Variants in AP1G1 observed in about 807,000 individuals in gnomAD.
AP1G1 encodes adaptor related protein complex 1 subunit gamma 1.
Under a neutral mutation model 108.3 loss-of-function variants are expected in AP1G1, and 7 were observed. The observed-to-expected ratio is 0.06, with a 90% CI of 0.04 to 0.12. AP1G1 has a LOEUF of 0.12. Among genes scored for constraint, AP1G1 ranks in the 10% least tolerant of loss-of-function variants. AP1G1 has a pLI of 1.00. For missense variants in AP1G1, 756 were observed against 1,010.7 expected, an observed-to-expected ratio of 0.75 and a Z score of 3.42; for synonymous variants, 379 against 353.5, an observed-to-expected ratio of 1.07 and a Z score of -0.81.
intron 15 of AP1G1, among the ~76,000 whole-genome samples, 177 bp from the exon 16 acceptor site, chr16:71,748,555 T>G (rs562008723): frequency 1.3e-4 from 20 of 151,952 alleles, no homozygotes; most frequent in Non-Finnish European, 1.9e-4. Context: ...ACCAGAGTAG[T>G]TGGGGGTAAA....
rs1206130353 is a variant in AP1G1, at chr16:71,748,341, A to G, written c.1535T>C (p.Val512Ala). The change falls in exon 16 of 23, where the codon GTC becomes GCC. Residue 512 changes from valine (V) to alanine (A), a missense_variant. Val to Ala is a moderately conservative substitution (Grantham distance 64). Transcript: ENST00000299980. Reference protein sequence around the residue: ...EDEVLDILESVLISNMSTSVT... With the variant: ...EDEVLDILESALISNMSTSVT... ...AGAGGTGGACATATTAGAGATTAGG[A>G]CACTTTCTAAAATATCCAACACTTC... 1 of 1,613,582 alleles carries G rather than the reference A, an allele frequency of 6.2e-7. No individual in the cohort carries two copies. The highest frequency in any genetic ancestry group is 2.2e-5 in the East Asian group (1 of 44,874).
chr16:71,777,336 G>A (rs936993279), intron 2 of AP1G1, among the ~76,000 whole-genome samples: 1 of 151,714 alleles, frequency 6.6e-6, no homozygotes, highest in African/African-American at 2.4e-5. Flanking sequence ...AGGGAGGCAA[G>A]AAGAAAACAA....
At chr16:71,803,274 T>C (rs1236080657) in intron 1 of AP1G1, among the ~76,000 whole-genome samples, 1 of 152,196 alleles carries the variant, frequency 6.6e-6, no homozygotes, top group Non-Finnish European at 1.5e-5. Flanking sequence ...AAGTCACATG[T>C]ATTTTTTCCT....
At chr16:71,794,122 T>C (rs953212758) in intron 1 of AP1G1, among the ~76,000 whole-genome samples, 1 of 152,222 alleles carries the variant, frequency 6.6e-6, no homozygotes, top group African/African-American at 2.4e-5. Context: ...TACAAAATTA[T>C]ATCTGTATTA....
At chr16:71,769,532 C>T (rs763793571) in intron 6 of AP1G1, 91 bp downstream of exon 6, 41 of 1,284,218 alleles carry the variant, frequency 3.2e-5, no homozygotes, top group Non-Finnish European at 4.2e-5. Context: ...CCATAGCTTG[C>T]TTTCAAAAAA....
rs534645564 is a variant in AP1G1 at position 71,744,906 on chromosome 16, T to A, written c.1999+238A>T. On this transcript the variant is annotated intron_variant, in intron 19 of 22. Transcript: ENST00000299980. The stretch of plus-strand genomic sequence containing the variant: ...AAGTAGTTTCTATCTTAAAACACTA[T>A]GAATAATTTATTCACCCAAAATTAG... Among the ~76,000 whole-genome samples, 25 of 152,334 alleles carry A rather than the reference T, an allele frequency of 1.6e-4. No homozygotes were observed. In the East Asian group the frequency reaches 4.6e-3, roughly 28 times the overall value.
intron 5 of AP1G1, 105 bp from the exon 6 acceptor site, chr16:71,769,804 C>T (rs909139263): frequency 5.4e-6 from 5 of 921,982 alleles, no homozygotes; most frequent in Non-Finnish European, 8.4e-6. Flanking sequence ...ATAGTTGCTA[C>T]TTTTGCTTTT....
At chr16:71,757,339 T>C (rs1232877988) in intron 11 of AP1G1, among the ~76,000 whole-genome samples, 1 of 151,448 alleles carries the variant, frequency 6.6e-6, no homozygotes, top group African/African-American at 2.4e-5. Context: ...TAATCCCAGG[T>C]ACTTGAGAGG....
At chr16:71,758,756 G>T in intron 11 of AP1G1, 52 bp downstream of exon 11, 1 of 1,064,944 alleles carries the variant, frequency 9.4e-7, no homozygotes, top group South Asian at 1.4e-5. Flanking sequence ...TCAATAATCT[G>T]TCACTCAATT....
intron 6 of AP1G1, chr16:71,767,964 T>C (rs1420236993): frequency 2.8e-6 from 4 of 1,447,618 alleles, no homozygotes; most frequent in African/African-American, 1.4e-5. Flanking sequence ...ACGGGTCTCA[T>C]ACTATATTAC....
intron 22 of AP1G1, 71 bp downstream of exon 22, chr16:71,734,538 A>T (rs1269719725): frequency 2.3e-6 from 3 of 1,306,104 alleles, no homozygotes; most frequent in Non-Finnish European, 3.3e-6. Context: ...CTAAAGAAAC[A>T]AAGCAGAATT....
Position 71,753,876 on chromosome 16 carries a change from G to C in AP1G1, c.1241C>G (p.Ser414Cys). The change falls in exon 13 of 23, where the codon TCC (serine) becomes TGC (cysteine). Residue 414 changes from serine to cysteine, a missense_variant. Coordinates refer to ENST00000299980, the MANE Select transcript of AP1G1 (RefSeq NM_001128.6). ...AATTGTGTCTATATGCCATCGTTTG[G>C]AAGGTGCATACCTGAAAAAAACAAT... is the stretch of plus-strand genomic sequence containing the variant. ...IFLAAEKYAP[S>C]KRWHIDTIMR... is the part of the protein sequence containing the mutation. The C allele has an allele frequency of 1.2e-6, 2 of 1,614,004 alleles. No individual in the cohort carries two copies. The highest frequency in any genetic ancestry group is 1.7e-6 in the Non-Finnish European group (2 of 1,179,934).
intron 12 of AP1G1, among the ~76,000 whole-genome samples, chr16:71,754,997 A>G (rs1052547640): frequency 2.0e-5 from 3 of 152,222 alleles, no homozygotes; most frequent in African/African-American, 7.2e-5. Context: ...CATTTGGACT[A>G]AAAACTTGTT....
At chr16:71,733,275 TTAAGAA>T (rs1448242814) in intron 22 of AP1G1, 116 bp from the exon 23 acceptor site, 4 of 782,842 alleles carry the variant, frequency 5.1e-6, no homozygotes, top group Non-Finnish European at 8.1e-6. Context: ...AAGCTGTCTG[TTAAGAA>T]TGACAGGTAA....
chr16:71,739,451 C>G lies in AP1G1; in HGVS notation c.2000-110G>C, dbSNP rs796731196. ...TCAGGTTAAGGAAAGATTCCTTAAACAAGATGCAAAAAGCATAGACCACAA... is the reference window on the plus strand; with the variant it reads ...TCAGGTTAAGGAAAGATTCCTTAAAGAAGATGCAAAAAGCATAGACCACAA... On this transcript the variant is annotated intron_variant, in intron 19 of 22. Coordinates refer to ENST00000299980, the MANE Select transcript of AP1G1 (RefSeq NM_001128.6). The G allele has an allele frequency of 1.9e-5, 16 of 823,396 alleles. No homozygotes were observed. In the African/African-American group the frequency reaches 2.8e-4, roughly 14 times the overall value. The allele number at this position is 823,396 out of a possible 1,614,324, so 51.0% of individuals were successfully genotyped here. A position where few individuals can be genotyped will look rare whatever the true frequency, so the allele number is the denominator to read the frequency against.
At chr16:71,754,944 T>A (rs2145446669) in intron 12 of AP1G1, among the ~76,000 whole-genome samples, 1 of 152,112 alleles carries the variant, frequency 6.6e-6, no homozygotes. Flanking sequence ...CAGGAGACGA[T>A]AAAGAAGAAA....
intron 11 of AP1G1, 88 bp downstream of exon 11, chr16:71,758,720 T>C (rs2030931337): frequency 1.4e-6 from 1 of 738,642 alleles, no homozygotes; most frequent in African/African-American, 1.8e-5. Flanking sequence ...GAAAACAAAG[T>C]ATCACATGGC....
chr16:71,784,093 C>T (rs532581782), intron 2 of AP1G1, among the ~76,000 whole-genome samples: 90 of 152,252 alleles, frequency 5.9e-4, no homozygotes, highest in African/African-American at 2.1e-3. Flanking sequence ...ACAAAAGGTC[C>T]ATATAAAAAA....
chr16:71,785,270 A>G (rs894715018), intron 2 of AP1G1, among the ~76,000 whole-genome samples: 5 of 152,272 alleles, frequency 3.3e-5, no homozygotes, highest in Non-Finnish European at 5.9e-5. Context: ...TGTTTAAAAC[A>G]TATTTAAAAG....
Sources: gnomAD v4.1 joint callset for allele counts (sites outside exome capture counted in the v4.1 genomes callset) on GRCh38, gnomAD v4.1.1 for gene constraint, MANE v1.5 for transcripts, NCBI Gene and HGNC (gene_info 2026-07-23, HGNC 2026-07-21) for gene names.